COTL1: variants seen among roughly 807,000 people sequenced by gnomAD.
The protein encoded by COTL1 is coactosin like F-actin binding protein 1.
Under a neutral mutation model 16.5 loss-of-function variants are expected in COTL1, and 15 were observed. The observed-to-expected ratio is 0.91, with a 90% CI of 0.61 to 1.40. COTL1 has a LOEUF of 1.40. Ranked by LOEUF, COTL1 falls within the 40% of genes most tolerant of loss-of-function variation. COTL1 has a pLI of 0.00. For missense variants in COTL1, 220 were observed against 201.5 expected (o/e 1.09, Z -0.56); for synonymous variants, 112 against 85.3 (o/e 1.31, Z -1.73).
At chr16:84,579,679 G>A (rs569884980) in intron 3 of COTL1, among the ~76,000 whole-genome samples, 5 of 152,260 alleles carry the variant, frequency 3.3e-5, no homozygotes, top group Admixed American at 6.5e-5. Context: ...AAACCACAGC[G>A]ACTTAGAATA....
At chr16:84,604,181 C>G (rs1363905789) in intron 2 of COTL1, among the ~76,000 whole-genome samples, 1 of 107,258 alleles carries the variant, frequency 9.3e-6, no homozygotes, top group Non-Finnish European at 1.9e-5. Flanking sequence ...ACCCCCTACT[C>G]CCCAACCCCT....
intron 2 of COTL1, among the ~76,000 whole-genome samples, chr16:84,597,610 C>A (rs1178523387): frequency 6.6e-6 from 1 of 152,120 alleles, no homozygotes; most frequent in Admixed American, 6.5e-5. Flanking sequence ...AACCTTGAGA[C>A]CCACTGACTT....
At chr16:84,570,781 A>G (rs1904323850) in intron 3 of COTL1, among the ~76,000 whole-genome samples, 1 of 152,200 alleles carries the variant, frequency 6.6e-6, no homozygotes, top group Non-Finnish European at 1.5e-5. Flanking sequence ...AGGTCTTAAA[A>G]GACAAGTCGT....
Position 84,592,215 on chromosome 16 carries a change from G to C in COTL1, c.161-1953C>G, listed in dbSNP as rs140022372. On this transcript the variant is annotated intron_variant, in intron 2 of 3. Transcript: ENST00000262428. ...CTTTTGTGTTTTCCAACAAAGTTCTGTGCCTCTTGAGGGGATCACATATCC... is the reference window on the plus strand; with the variant it reads ...CTTTTGTGTTTTCCAACAAAGTTCTCTGCCTCTTGAGGGGATCACATATCC... Among the ~76,000 whole-genome samples the C allele has an allele frequency of 5.0e-4, 76 of 152,302 alleles. 1 individual carries two copies. Among genetic ancestry groups the C allele is most frequent in the African/African-American group, 1.7e-3 (71 of 41,562 alleles).
At chr16:84,617,004 G>A (rs1905503507) in intron 2 of COTL1, among the ~76,000 whole-genome samples, 1 of 152,196 alleles carries the variant, frequency 6.6e-6, no homozygotes. Flanking sequence ...CATATGGTGT[G>A]TACTCTTTTG....
chr16:84,617,738 G>A, intron 1 of COTL1, 100 bp downstream of exon 1: 1 of 1,391,900 alleles, frequency 7.2e-7, no homozygotes, highest in Non-Finnish European at 9.9e-7. Context: ...GGAAGACAGC[G>A]CGGGAGGCCC....
intron 3 of COTL1, among the ~76,000 whole-genome samples, chr16:84,578,352 C>T (rs1044015095): frequency 6.6e-6 from 1 of 152,282 alleles, no homozygotes; most frequent in East Asian, 1.9e-4. Flanking sequence ...CAGGCTGTTT[C>T]CATTTTTCAG....
At chr16:84,611,853 C>T (rs1465827178) in intron 2 of COTL1, among the ~76,000 whole-genome samples, 1 of 152,182 alleles carries the variant, frequency 6.6e-6, no homozygotes, top group East Asian at 1.9e-4. Flanking sequence ...GCCACTGCCT[C>T]GCCACACATA....
chr16:84,603,833 T>C (rs1905153022), intron 2 of COTL1, among the ~76,000 whole-genome samples: 1 of 151,894 alleles, frequency 6.6e-6, no homozygotes, highest in Admixed American at 6.6e-5. Flanking sequence ...GGCAAAGTTC[T>C]AGGAGGACAT....
In COTL1 at chr16:84,583,267, G is replaced by A. The variant is rs151265967; in HGVS notation, c.318+6838C>T. Reference sequence around the variant, plus strand: ...CAGGGCAAGTGGCAGACCTGGCCTCGTGAAGGACAAATGATTTAATACACG... The same window carrying A: ...CAGGGCAAGTGGCAGACCTGGCCTCATGAAGGACAAATGATTTAATACACG... On this transcript the variant is annotated intron_variant, in intron 3 of 3. Coordinates refer to ENST00000262428, the MANE Select transcript of COTL1 (RefSeq NM_021149.5). 2.3e-3 allele frequency among the ~76,000 whole-genome samples: 355 copies of A among 152,266 alleles called. 1 individual carries two copies. Among genetic ancestry groups the A allele is most frequent in the Non-Finnish European group, 3.9e-3 (267 of 68,020 alleles).
chr16:84,616,817 C>G (rs569073496), intron 2 of COTL1, among the ~76,000 whole-genome samples: 1 of 152,302 alleles, frequency 6.6e-6, no homozygotes, highest in East Asian at 1.9e-4. Flanking sequence ...CACGCGGGTA[C>G]ACACCTGCAT....
At chr16:84,604,727 T>C in intron 2 of COTL1, among the ~76,000 whole-genome samples, 1 of 152,174 alleles carries the variant, frequency 6.6e-6, no homozygotes, top group East Asian at 1.9e-4. Context: ...GGGCTGTGGC[T>C]GTAGGGGTCA....
At chr16:84,581,648 C>T (rs1441047566) in intron 3 of COTL1, among the ~76,000 whole-genome samples, 2 of 151,896 alleles carry the variant, frequency 1.3e-5, no homozygotes, top group South Asian at 2.1e-4. Context: ...GGATTACAGG[C>T]GTGTGCCACT....
At chr16:84,608,686 G>A (rs771607091) in intron 2 of COTL1, among the ~76,000 whole-genome samples, 2 of 152,196 alleles carry the variant, frequency 1.3e-5, no homozygotes, top group Non-Finnish European at 2.9e-5. Context: ...CAAGTGGATC[G>A]CTTGAGCCCA....
intron 2 of COTL1, chr16:84,595,639 C>T (rs1230704939): frequency 2.0e-5 from 3 of 152,186 alleles, no homozygotes; most frequent in African/African-American, 7.2e-5. Flanking sequence ...CTATGTCGGG[C>T]TATTGTCACT....
intron 2 of COTL1, 60 bp downstream of exon 2, chr16:84,617,441 C>T: frequency 4.7e-6 from 7 of 1,486,402 alleles, no homozygotes; most frequent in Non-Finnish European, 6.4e-6. Flanking sequence ...GGCCGGGGCT[C>T]CCCGGGTGCA....
chr16:84,616,747 A>AC (rs1168892349), intron 2 of COTL1, among the ~76,000 whole-genome samples: 7 of 152,156 alleles, frequency 4.6e-5, no homozygotes, highest in African/African-American at 1.7e-4. Flanking sequence ...TTCATGGTTC[A>AC]CAAGCCACAG....
intron 2 of COTL1, among the ~76,000 whole-genome samples, chr16:84,598,797 G>C (rs1357834050): frequency 6.7e-6 from 1 of 149,428 alleles, no homozygotes; most frequent in African/African-American, 2.5e-5. Flanking sequence ...GAACCAAGTG[G>C]GGGCGGCGGG....
intron 2 of COTL1, among the ~76,000 whole-genome samples, chr16:84,607,134 C>T (rs1356704278): frequency 6.6e-6 from 1 of 152,172 alleles, no homozygotes; most frequent in African/African-American, 2.4e-5. Flanking sequence ...AGGAGGACTT[C>T]GCCAAGGAGT....
Sources: gnomAD v4.1 joint callset for allele counts (sites outside exome capture counted in the v4.1 genomes callset) on GRCh38, gnomAD v4.1.1 for gene constraint, MANE v1.5 for transcripts, NCBI Gene and HGNC (gene_info 2026-07-23, HGNC 2026-07-21) for gene names.